Variants in PAN3 observed in about 807,000 individuals in gnomAD.
The protein encoded by PAN3 is PAN2-PAN3 deadenylation complex subunit PAN3.
Under a neutral mutation model 96.2 loss-of-function variants are expected in PAN3, and 19 were observed. That is an observed-to-expected ratio of 0.20 (90% CI 0.14 to 0.29). The LOEUF is 0.29. Ranked by LOEUF, PAN3 falls within the 10% of genes least tolerant of loss-of-function variation. The pLI, the probability that PAN3 is intolerant of heterozygous loss-of-function variation, is 1.00. For missense variants in PAN3, 882 were observed against 1,108.1 expected, an observed-to-expected ratio of 0.80 and a Z score of 2.90; for synonymous variants, 433 against 406.6, an observed-to-expected ratio of 1.06 and a Z score of -0.78.
At chr13:28,239,192 T>TGCACACAC (rs1298289465) in intron 6 of PAN3, among the ~76,000 whole-genome samples, 1 of 66,798 alleles carries the variant, frequency 1.5e-5, no homozygotes, top group Non-Finnish European at 2.7e-5. Context: ...CACACACGCA[T>TGCACACAC]GCACACACGC....
chr13:28,256,920 G>T (rs1450740901), intron 7 of PAN3, among the ~76,000 whole-genome samples: 1 of 152,178 alleles, frequency 6.6e-6, no homozygotes, highest in Non-Finnish European at 1.5e-5. Flanking sequence ...TATGTCCTCA[G>T]TAGTTACTGG....
At chr13:28,224,982 A>T (rs552912991) in intron 6 of PAN3, among the ~76,000 whole-genome samples, 1 of 152,312 alleles carries the variant, frequency 6.6e-6, no homozygotes, top group South Asian at 2.1e-4. Context: ...TCTAATTATT[A>T]TACCAAAATT....
At chr13:28,144,588 C>T (rs1870356293) in intron 1 of PAN3, among the ~76,000 whole-genome samples, 1 of 151,960 alleles carries the variant, frequency 6.6e-6, no homozygotes, top group Non-Finnish European at 1.5e-5. Context: ...ACAAATAAAG[C>T]ACTTTTTCCT....
At chr13:28,155,800 C>T (rs920308747) in intron 1 of PAN3, among the ~76,000 whole-genome samples, 28 of 151,870 alleles carry the variant, frequency 1.8e-4, no homozygotes, top group African/African-American at 4.4e-4. Flanking sequence ...AAATATTTTT[C>T]GAAAGATGTA....
At chr13:28,204,126 T>A (rs1173320471) in intron 5 of PAN3, among the ~76,000 whole-genome samples, 1 of 152,124 alleles carries the variant, frequency 6.6e-6, no homozygotes, top group Non-Finnish European at 1.5e-5. Flanking sequence ...CTGTTTTATA[T>A]TTTTTTCATC....
chr13:28,286,783 C>T (rs1176568514), intron 17 of PAN3, among the ~76,000 whole-genome samples: 1 of 152,126 alleles, frequency 6.6e-6, no homozygotes, highest in Non-Finnish European at 1.5e-5. Flanking sequence ...GTTTAATCTT[C>T]ATTTTAATTG....
intron 17 of PAN3, among the ~76,000 whole-genome samples, chr13:28,284,416 C>G (rs967656543): frequency 2.0e-5 from 3 of 151,030 alleles, no homozygotes; most frequent in African/African-American, 7.3e-5. Flanking sequence ...ATTCCCCACC[C>G]TTGGAGACAT....
chr13:28,139,847 C>G (rs918567774), intron 1 of PAN3, among the ~76,000 whole-genome samples: 1 of 152,116 alleles, frequency 6.6e-6, no homozygotes, highest in African/African-American at 2.4e-5. Context: ...AGCATTGTGT[C>G]TTGAATGCAT....
intron 6 of PAN3, among the ~76,000 whole-genome samples, chr13:28,255,475 G>C (rs1885062753): frequency 6.6e-6 from 1 of 151,904 alleles, no homozygotes; most frequent in African/African-American, 2.4e-5. Flanking sequence ...TCTCCTGAAG[G>C]GTAAAGACAA....
At chr13:28,188,230 T>C (rs1410401965) in intron 4 of PAN3, among the ~76,000 whole-genome samples, 1 of 143,950 alleles carries the variant, frequency 6.9e-6, no homozygotes, top group Admixed American at 6.8e-5. Flanking sequence ...TATTATATAT[T>C]TATTTCAAAA....
intron 9 of PAN3, among the ~76,000 whole-genome samples, chr13:28,262,556 A>G (rs1269217840): frequency 9.2e-5 from 14 of 152,164 alleles, no homozygotes; most frequent in Admixed American, 9.2e-4. Flanking sequence ...TCATCTTGGA[A>G]TTTTTCTTAA....
rs1209111751 is a variant in PAN3, at chr13:28,266,699, T to C, written c.1412-16T>C. The C allele has an allele frequency of 2.0e-6, 3 of 1,528,300 alleles. No individual in the cohort carries two copies. Among genetic ancestry groups the C allele is most frequent in the Non-Finnish European group, 2.6e-6 (3 of 1,138,204 alleles). The allele number at this position is 1,528,300 out of a possible 1,614,324, so 94.7% of individuals were successfully genotyped here. ...ATGCCTGTATTTTCAAGTCATCTTC[T>C]TATGAATTACTCTAGCAGTTCCTAC... On this transcript the variant is annotated splice_polypyrimidine_tract_variant and intron_variant, in intron 9 of 18. Transcript: ENST00000380958.
intron 6 of PAN3, among the ~76,000 whole-genome samples, chr13:28,254,404 G>A (rs530767339): frequency 1.3e-5 from 2 of 152,328 alleles, no homozygotes; most frequent in South Asian, 4.1e-4. Context: ...AAGGGCTCAA[G>A]AATTGTAGTT....
chr13:28,216,320 G>T lies in PAN3; in HGVS notation c.853-3911G>T, dbSNP rs185755029. 1.7e-3 allele frequency among the ~76,000 whole-genome samples: 253 copies of T among 152,178 alleles called. 3 individuals are homozygous for T. The highest frequency in any genetic ancestry group is 2.6e-4 in the Non-Finnish European group (18 of 68,014). ...CTCAGTGGTTTCCTGGAGACTTGGG[G>T]GCAGAGAGCAGAGAGGGGTGGAAAG... is the stretch of plus-strand genomic sequence containing the variant. On this transcript the variant is annotated intron_variant, in intron 5 of 18. Coordinates refer to ENST00000380958, the MANE Select transcript of PAN3 (RefSeq NM_175854.8).
intron 8 of PAN3, 70 bp downstream of exon 8, chr13:28,260,621 G>T: frequency 8.0e-7 from 1 of 1,243,692 alleles, no homozygotes; most frequent in South Asian, 1.2e-5. Flanking sequence ...GGAAAGAACA[G>T]AGCTCTTTTC....
At chr13:28,257,413 AAGTC>A (rs1885230266) in intron 7 of PAN3, among the ~76,000 whole-genome samples, 1 of 151,752 alleles carries the variant, frequency 6.6e-6, no homozygotes, top group African/African-American at 2.4e-5. Context: ...GTGAGTGAGA[AAGTC>A]AGAGTCCACT....
intron 1 of PAN3, among the ~76,000 whole-genome samples, chr13:28,165,892 TCATGG>T (rs200514400): frequency 0.017 from 2,610 of 152,184 alleles, 33 homozygotes; most frequent in South Asian, 0.03. Flanking sequence ...TCCATTAGCA[TCATGG>T]CATGGTCCAC....
At chr13:28,163,785 A>C (rs1308681186) in intron 1 of PAN3, among the ~76,000 whole-genome samples, 2 of 152,226 alleles carry the variant, frequency 1.3e-5, no homozygotes, top group Non-Finnish European at 2.9e-5. Flanking sequence ...AAGATCTTAC[A>C]GTAGATGTAT....
At chr13:28,176,374 G>A in intron 2 of PAN3, 119 bp from the exon 3 acceptor site, 1 of 866,862 alleles carries the variant, frequency 1.2e-6, no homozygotes, top group South Asian at 1.5e-5. Flanking sequence ...AGATTAGATT[G>A]TCAGTAATGT....
Sources: allele counts gnomAD v4.1 joint callset (sites outside exome capture counted in the v4.1 genomes callset), GRCh38; gene constraint gnomAD v4.1.1; transcripts MANE v1.5; gene names NCBI Gene and HGNC (gene_info 2026-07-23, HGNC 2026-07-21).